MBD2: variants seen among roughly 807,000 people sequenced by gnomAD.
MBD2 encodes methyl-CpG binding domain protein 2.
A neutral mutation model predicts 39.3 loss-of-function variants in MBD2; 9 were observed. That is an observed-to-expected ratio of 0.23 (90% CI 0.14 to 0.40). The LOEUF is 0.40. MBD2 is among the 10% of genes least tolerant of loss of function. MBD2 has a pLI of 1.00. For synonymous variants in MBD2, 233 were observed against 211.1 expected (o/e 1.10, Z -0.90); for missense variants, 458 against 532.6 (o/e 0.86, Z 1.38).
intron 3 of MBD2, among the ~76,000 whole-genome samples, chr18:54,178,258 G>C (rs1029999388): frequency 1.5e-4 from 23 of 151,958 alleles, no homozygotes; most frequent in African/African-American, 5.6e-4. Context: ...AAAATTACCA[G>C]AAGTATAAAT....
At chr18:54,189,601 A>C in intron 2 of MBD2, among the ~76,000 whole-genome samples, 1 of 152,188 alleles carries the variant, frequency 6.6e-6, no homozygotes, top group Non-Finnish European at 1.5e-5. Context: ...AATGACTTTT[A>C]AATGAACAAA....
rs373353846 is a variant in MBD2, at chr18:54,166,281, AT to A, written c.841-116del. 613 of 665,348 alleles carry A rather than the reference AT, an allele frequency of 9.2e-4. 2 individuals carry two copies. The African/African-American group carries it at 1.0e-2, about 11-fold the overall frequency. 41.2% of individuals were successfully genotyped at this position (665,348 alleles called of 1,614,324 possible). On this transcript the variant is annotated intron_variant, in intron 3 of 6. Coordinates refer to ENST00000256429, the MANE Select transcript of MBD2 (RefSeq NM_003927.5). ...TTCAATAGTTTCCTATAATTTCCTC[AT>A]TTTTTCCTTATAAAAAGCTAAATGA...
intron 2 of MBD2, among the ~76,000 whole-genome samples, chr18:54,201,629 G>A (rs549658841): frequency 2.0e-5 from 3 of 152,160 alleles, no homozygotes; most frequent in South Asian, 4.1e-4. Flanking sequence ...TTGGGAGGCC[G>A]AGGAGGGCAG....
intron 1 of MBD2, among the ~76,000 whole-genome samples, chr18:54,209,227 G>A (rs1404413226): frequency 6.6e-6 from 1 of 150,820 alleles, no homozygotes; most frequent in African/African-American, 2.4e-5. Flanking sequence ...AACCTGGGAG[G>A]CGGAGGTTGC....
intron 1 of MBD2, among the ~76,000 whole-genome samples, chr18:54,215,151 GAC>G (rs2086546468): frequency 6.6e-6 from 1 of 152,172 alleles, no homozygotes; most frequent in African/African-American, 2.4e-5. Context: ...CCGATCTTCT[GAC>G]TCAAAAGTCT....
intron 2 of MBD2, chr18:54,202,662 T>C: frequency 1.0e-6 from 1 of 990,202 alleles, no homozygotes; most frequent in Non-Finnish European, 1.3e-6. Flanking sequence ...ACAATGAAAA[T>C]GAAAGGTATT....
At chr18:54,168,599 T>TATATATATATATATATA (rs2086154505) in intron 3 of MBD2, among the ~76,000 whole-genome samples, 2 of 104,548 alleles carry the variant, frequency 1.9e-5, no homozygotes, top group Admixed American at 8.9e-5. Flanking sequence ...ATATATATAT[T>TATATATATATATATATA]TATGTATGCA....
chr18:54,211,573 T>C (rs2086508159), intron 1 of MBD2, among the ~76,000 whole-genome samples: 1 of 152,132 alleles, frequency 6.6e-6, no homozygotes, highest in South Asian at 2.1e-4. Flanking sequence ...TCTGCTCTTA[T>C]TTTATTCATA....
chr18:54,219,812 T>C (rs910531130), intron 1 of MBD2, among the ~76,000 whole-genome samples: 13 of 152,190 alleles, frequency 8.5e-5, no homozygotes, highest in Non-Finnish European at 1.8e-4. Flanking sequence ...CACACATATG[T>C]ATATTTGAGA....
At position 54,154,106 on chromosome 18, in the gene MBD2, T is replaced by C. The variant is rs959301707; in HGVS notation, c.*1218A>G. ...AGAGTTAAGAAATAAACACACCTTT[T>C]CTATAGAATGATTTTACTTTTGCTC... On this transcript the variant is annotated 3_prime_UTR_variant, in exon 7 of 7. Coordinates refer to ENST00000256429, the MANE Select transcript of MBD2 (RefSeq NM_003927.5). 2.6e-5 allele frequency: 4 copies of C among 152,216 alleles called. No individual in the cohort carries two copies. The highest frequency in any genetic ancestry group is 5.9e-5 in the Non-Finnish European group (4 of 68,030). The allele number at this position is 152,216 out of a possible 1,614,324, so 9.4% of individuals were successfully genotyped here. A position where few individuals can be genotyped will look rare whatever the true frequency, so the allele number is the denominator to read the frequency against.
chr18:54,172,090 A>G (rs1219925110), intron 3 of MBD2, among the ~76,000 whole-genome samples: 1 of 152,220 alleles, frequency 6.6e-6, no homozygotes, highest in East Asian at 1.9e-4. Context: ...TTTAACTCCT[A>G]AGTAATAGAT....
At chr18:54,178,451 TAAAAACTCA>T (rs2086227419) in intron 3 of MBD2, among the ~76,000 whole-genome samples, 1 of 151,948 alleles carries the variant, frequency 6.6e-6, no homozygotes, top group African/African-American at 2.4e-5. Flanking sequence ...AAAACAAATT[TAAAAACTCA>T]ACTGTATGTT....
At chr18:54,195,527 G>T (rs577423315) in intron 2 of MBD2, among the ~76,000 whole-genome samples, 1 of 152,164 alleles carries the variant, frequency 6.6e-6, no homozygotes, top group South Asian at 2.1e-4. Flanking sequence ...TCTAAGGTCA[G>T]TTTCCTCATC....
At chr18:54,190,597 T>C (rs1438842653) in intron 2 of MBD2, among the ~76,000 whole-genome samples, 2 of 152,224 alleles carry the variant, frequency 1.3e-5, no homozygotes, top group Non-Finnish European at 1.5e-5. Flanking sequence ...TTTCAGTGTT[T>C]ATCATTAGAA....
At chr18:54,159,934 G>A (rs989325657) in intron 5 of MBD2, 31 bp from the exon 6 acceptor site, 2 of 1,606,498 alleles carry the variant, frequency 1.2e-6, no homozygotes, top group Non-Finnish European at 1.7e-6. Flanking sequence ...AAGGCACTGA[G>A]AATTTGGCAA....
chr18:54,207,459 AC>A (rs760034612), intron 1 of MBD2, among the ~76,000 whole-genome samples: 4 of 152,170 alleles, frequency 2.6e-5, no homozygotes, highest in Non-Finnish European at 4.4e-5. Flanking sequence ...CAACAATGCC[AC>A]TCTTAAACTT....
rs1317270606 is a variant in MBD2 at position 54,154,792 on chromosome 18, G to C, written c.*532C>G. 2 of 152,546 alleles carry C rather than the reference G, an allele frequency of 1.3e-5. No homozygotes were observed. The highest frequency in any genetic ancestry group is 2.9e-5 in the Non-Finnish European group (2 of 68,020). 9.4% of individuals were successfully genotyped at this position (152,546 alleles called of 1,614,324 possible). A position where few individuals can be genotyped will look rare whatever the true frequency, so the allele number is the denominator to read the frequency against. On this transcript the variant is annotated 3_prime_UTR_variant, in exon 7 of 7. Coordinates refer to ENST00000256429, the MANE Select transcript of MBD2 (RefSeq NM_003927.5). ...TGTAAATCAGAGGAAGGCTAACGAGGGGTTCTTTATTGTGTGTGCTTTTCA... is the reference window on the plus strand; with the variant it reads ...TGTAAATCAGAGGAAGGCTAACGAGCGGTTCTTTATTGTGTGTGCTTTTCA...
At chr18:54,171,650 A>T (rs896622735) in intron 3 of MBD2, among the ~76,000 whole-genome samples, 3 of 152,210 alleles carry the variant, frequency 2.0e-5, no homozygotes, top group Non-Finnish European at 4.4e-5. Flanking sequence ...GTTCTGTCTT[A>T]CCCAGTGAAA....
chr18:54,200,315 TTAA>T, intron 2 of MBD2, among the ~76,000 whole-genome samples: 1 of 152,362 alleles, frequency 6.6e-6, no homozygotes, highest in East Asian at 1.9e-4. Flanking sequence ...TCACATTAAA[TTAA>T]TGTTAGGGAA....
Sources: allele counts gnomAD v4.1 joint callset (sites outside exome capture counted in the v4.1 genomes callset), GRCh38; gene constraint gnomAD v4.1.1; transcripts MANE v1.5; gene names NCBI Gene and HGNC (gene_info 2026-07-23, HGNC 2026-07-21).